Variants in FHIT observed in about 807,000 individuals in gnomAD.
FHIT encodes the protein fragile histidine triad diadenosine triphosphatase.
Under a neutral mutation model 17.9 loss-of-function variants are expected in FHIT, and 19 were observed. The ratio of observed to expected loss-of-function variants is 1.06; its 90% CI spans 0.74 to 1.56. FHIT has a LOEUF of 1.56. Ranked by LOEUF, FHIT falls within the 40% of genes most tolerant of loss-of-function variation. The probability of loss-of-function intolerance (pLI) is 0.00; values close to 1 mark genes in which losing one functional copy is unlikely to be tolerated. For missense variants in FHIT, 248 were observed against 189.2 expected (o/e 1.31, Z -1.82); for synonymous variants, 81 against 69.7 (o/e 1.16, Z -0.81).
At chr3:60,708,902 C>T (rs554741541) in intron 4 of FHIT, among the ~76,000 whole-genome samples, 1 of 152,208 alleles carries the variant, frequency 6.6e-6, no homozygotes, top group Admixed American at 6.5e-5. Context: ...TAGCTAGTAA[C>T]ATTTGTAAAC....
intron 5 of FHIT, among the ~76,000 whole-genome samples, chr3:60,045,743 G>GA (rs1701627633): frequency 6.6e-6 from 1 of 152,160 alleles, no homozygotes; most frequent in Non-Finnish European, 1.5e-5. Context: ...AGGCAGAACT[G>GA]AAAAAATTTG....
chr3:60,713,265 C>G (rs1214096339), intron 4 of FHIT, among the ~76,000 whole-genome samples: 1 of 150,192 alleles, frequency 6.7e-6, no homozygotes, highest in East Asian at 2.0e-4. Flanking sequence ...ATCTCTGGGA[C>G]ACATTCAAAG....
chr3:60,701,329 C>A (rs9878020), intron 4 of FHIT, among the ~76,000 whole-genome samples: 17,681 of 151,944 alleles, frequency 0.12, 2,273 homozygotes, highest in African/African-American at 0.32. Context: ...GAGCCAATTT[C>A]TCAAGACGAG....
intron 5 of FHIT, among the ~76,000 whole-genome samples, chr3:60,369,173 A>G (rs1700226471): frequency 6.7e-6 from 1 of 149,512 alleles, no homozygotes; most frequent in Admixed American, 6.6e-5. Context: ...GTCTCTCACC[A>G]TGTTGCCCAG....
At chr3:59,835,281 G>T (rs978841285) in intron 8 of FHIT, among the ~76,000 whole-genome samples, 1 of 152,148 alleles carries the variant, frequency 6.6e-6, no homozygotes, top group Admixed American at 6.6e-5. Context: ...AACTTGTTTA[G>T]GTTCAGAAGA....
intron 8 of FHIT, among the ~76,000 whole-genome samples, chr3:59,911,359 A>G (rs294461): frequency 0.73 from 111,451 of 152,062 alleles, 42,900 homozygotes; most frequent in Non-Finnish European, 0.86. Context: ...ATGACACAGA[A>G]ATGCCTGGTA....
intron 8 of FHIT, among the ~76,000 whole-genome samples, chr3:59,842,354 G>A (rs1350124566): frequency 6.6e-6 from 1 of 152,104 alleles, no homozygotes; most frequent in Non-Finnish European, 1.5e-5. Context: ...TATGAATAAT[G>A]GTGCTATGAA....
At chr3:60,095,882 C>T (rs1238020632) in intron 5 of FHIT, among the ~76,000 whole-genome samples, 3 of 152,226 alleles carry the variant, frequency 2.0e-5, no homozygotes, top group Admixed American at 1.3e-4. Context: ...GCCACCACCA[C>T]AGCCAGGCTT....
chr3:60,672,874 C>CATGT (rs71092628), intron 4 of FHIT, among the ~76,000 whole-genome samples: 85 of 139,562 alleles, frequency 6.1e-4, no homozygotes, highest in African/African-American at 1.9e-3. Context: ...CTCTTTGTAG[C>CATGT]GTGTGTGTGT....
intron 8 of FHIT, among the ~76,000 whole-genome samples, chr3:59,871,704 C>T (rs1361685927): frequency 2.0e-5 from 3 of 152,124 alleles, no homozygotes; most frequent in South Asian, 4.1e-4. Context: ...CAATGTCTGC[C>T]GGGTAAGACC....
chr3:59,891,704 A>G (rs551719311), intron 8 of FHIT, among the ~76,000 whole-genome samples: 30 of 152,216 alleles, frequency 2.0e-4, no homozygotes, highest in Non-Finnish European at 3.8e-4. Context: ...GGGCATTCAC[A>G]TAGGGCTAGG....
intron 4 of FHIT, among the ~76,000 whole-genome samples, chr3:60,626,908 G>A (rs1195795355): frequency 1.3e-5 from 2 of 151,380 alleles, no homozygotes; most frequent in Admixed American, 6.6e-5. Flanking sequence ...ATGAAAGGGT[G>A]TTAAATGTTT....
At chr3:60,861,986 A>G (rs1703931664) in intron 3 of FHIT, among the ~76,000 whole-genome samples, 1 of 151,466 alleles carries the variant, frequency 6.6e-6, no homozygotes, top group Non-Finnish European at 1.5e-5. Context: ...TTGGTAACCT[A>G]GAATAAAATG....
rs145506130 is a variant in FHIT at position 59,967,384 on chromosome 3, C to T, written c.279+43987G>A. ...TAACTGTACGTGTGATACTTTTATA[C>T]GACTGGCAGCATAGCTTTGTTTACA... On this transcript the variant is annotated intron_variant, in intron 7 of 9. Coordinates refer to ENST00000492590, the MANE Select transcript of FHIT (RefSeq NM_002012.4). Among the ~76,000 whole-genome samples, 602 of 152,034 alleles carry T rather than the reference C, an allele frequency of 4.0e-3. 3 individuals carry two copies. The highest frequency in any genetic ancestry group is 0.013 in the East Asian group (66 of 5,158).
intron 5 of FHIT, among the ~76,000 whole-genome samples, chr3:60,459,210 C>T (rs2594242): frequency 1.3e-5 from 2 of 152,114 alleles, no homozygotes; most frequent in African/African-American, 4.8e-5. Flanking sequence ...CATCCCAGAG[C>T]TAGTGAATTA....
chr3:61,073,446 G>A (rs886685829), intron 2 of FHIT, among the ~76,000 whole-genome samples: 1 of 152,092 alleles, frequency 6.6e-6, no homozygotes, highest in Non-Finnish European at 1.5e-5. Flanking sequence ...ATTCTTCTGC[G>A]TCTGATCCTG....
intron 5 of FHIT, among the ~76,000 whole-genome samples, chr3:60,378,133 T>G (rs1281704010): frequency 6.6e-6 from 1 of 151,720 alleles, no homozygotes; most frequent in East Asian, 2.0e-4. Context: ...TTCACGCCAT[T>G]TTCCCGCCTC....
intron 5 of FHIT, among the ~76,000 whole-genome samples, chr3:60,386,849 A>G (rs1002322212): frequency 2.0e-5 from 3 of 152,088 alleles, no homozygotes; most frequent in African/African-American, 4.8e-5. Flanking sequence ...AAACAGAACT[A>G]TGTCCACTAT....
chr3:60,504,640 T>C (rs866138269), intron 5 of FHIT, among the ~76,000 whole-genome samples: 11 of 152,084 alleles, frequency 7.2e-5, no homozygotes, highest in Non-Finnish European at 1.6e-4. Context: ...ACAGGCTGTA[T>C]TCAACCGCAG....
Sources: gnomAD v4.1 joint callset for allele counts (sites outside exome capture counted in the v4.1 genomes callset) on GRCh38, gnomAD v4.1.1 for gene constraint, MANE v1.5 for transcripts, NCBI Gene and HGNC (gene_info 2026-07-23, HGNC 2026-07-21) for gene names.